The following ZNF334 variants were observed in gnomAD, a reference collection of about 807,000 sequenced individuals.
The protein encoded by ZNF334 is zinc finger protein 334.
Under a neutral mutation model 12.4 loss-of-function variants are expected in ZNF334, and 14 were observed. The observed-to-expected ratio is 1.13, with a 90% CI of 0.74 to 1.76. ZNF334 has a LOEUF of 1.76. ZNF334 is among the 40% of genes most tolerant of loss of function. ZNF334 has a pLI of 0.00. For synonymous variants in ZNF334, 273 were observed against 269.6 expected (o/e 1.01, Z -0.12); for missense variants, 797 against 804.5 (o/e 0.99, Z 0.11).
At position 46,502,292 on chromosome 20, in the gene ZNF334, G is replaced by T; in HGVS notation, c.1047C>A (p.Tyr349Ter). ...HFRSHTGEKPYECKECGNAFS... is the reference protein window; with the variant it reads ...HFRSHTGEKP ...AGGCATTTCCACATTCCTTGCATTC[G>T]TAAGGCTTCTCCCCTGTGTGTGACC... The change falls in exon 5 of 5, where the codon TAC (tyrosine) becomes TAA (stop). Residue 349 changes from tyrosine to a stop codon, truncating the protein, a stop_gained. Coordinates refer to ENST00000692313, the MANE Select transcript of ZNF334 (RefSeq NM_001353824.2). LOFTEE classifies it low-confidence loss of function (END_TRUNC). 6.2e-7 allele frequency: 1 copy of T among 1,613,976 alleles called. No homozygotes were observed.
At chr20:46,474,437 C>T in the ZNF334 span, 1 of 151,228 alleles carries the variant, frequency 6.6e-6, no homozygotes, top group Non-Finnish European at 1.5e-5. Flanking sequence ...ACATTGCTAA[C>T]TAGGGAGAAG....
chr20:46,510,803 C>G (rs188294873), intron 2 of ZNF334, among the ~76,000 whole-genome samples: 3 of 150,574 alleles, frequency 2.0e-5, no homozygotes, highest in African/African-American at 7.3e-5. Context: ...TGGCTTGTCT[C>G]GCTGGTCAGA....
the ZNF334 span, chr20:46,480,932 T>C: frequency 1.3e-5 from 2 of 152,214 alleles, no homozygotes; most frequent in African/African-American, 4.8e-5. Context: ...TGCTGCAGCA[T>C]ACCCGTGGGC....
chr20:46,488,923 TC>T, the ZNF334 span, among the ~76,000 whole-genome samples: 1 of 152,020 alleles, frequency 6.6e-6, no homozygotes, highest in East Asian at 1.9e-4. Flanking sequence ...AACGTCTTTT[TC>T]CCCCCTCTGG....
At chr20:46,488,647 G>C in the ZNF334 span, among the ~76,000 whole-genome samples, 4 of 151,404 alleles carry the variant, frequency 2.6e-5, no homozygotes, top group Non-Finnish European at 5.9e-5. Flanking sequence ...TTCCCATCTG[G>C]CATCCCTTTT....
In ZNF334 at chr20:46,501,320, TA is replaced by T; in HGVS notation, c.2018del (p.Leu673TyrfsTer31). 6.2e-7 allele frequency: 1 copy of T among 1,610,914 alleles called. No individual in the cohort carries two copies. The highest frequency in any genetic ancestry group is 8.5e-7 in the Non-Finnish European group (1 of 1,178,106). ...KTFRHKSNFLLHQKSHKE is the reference protein window; with the variant it reads ...KTFRHKSNFLXHQKSHKE Reference sequence around the variant, plus strand: ...CTTATTCCTTGTGGGATTTCTGATGTAAAAGAAAGTTTGATTTGTGGCGAAA... The same window carrying T: ...CTTATTCCTTGTGGGATTTCTGATGTAAAGAAAGTTTGATTTGTGGCGAAA... On this transcript the variant is annotated frameshift_variant, in exon 5 of 5. Coordinates refer to ENST00000692313, the MANE Select transcript of ZNF334 (RefSeq NM_001353824.2). LOFTEE classifies it low-confidence loss of function (END_TRUNC).
At chr20:46,488,275 A>T in the ZNF334 span, among the ~76,000 whole-genome samples, 1 of 144,310 alleles carries the variant, frequency 6.9e-6, no homozygotes, top group East Asian at 2.0e-4. Context: ...TATCACCTTT[A>T]TTGGCTTATT....
At chr20:46,483,488 C>A in the ZNF334 span, among the ~76,000 whole-genome samples, 1 of 152,200 alleles carries the variant, frequency 6.6e-6, no homozygotes, top group South Asian at 2.1e-4. Flanking sequence ...TGAAAATCCT[C>A]ATTTTCTAAC....
the ZNF334 span, among the ~76,000 whole-genome samples, chr20:46,466,608 C>T: frequency 6.2e-4 from 94 of 152,244 alleles, no homozygotes; most frequent in Middle Eastern, 3.4e-3. Flanking sequence ...CTCAGCCTCC[C>T]GAGTAGCTGA....
At chr20:46,480,023 G>C in the ZNF334 span, among the ~76,000 whole-genome samples, 2 of 152,198 alleles carry the variant, frequency 1.3e-5, no homozygotes, top group South Asian at 4.2e-4. Context: ...TACATGTATT[G>C]ATCTATGTCT....
chr20:46,471,629 T>A, the ZNF334 span, among the ~76,000 whole-genome samples: 1 of 150,734 alleles, frequency 6.6e-6, no homozygotes, highest in African/African-American at 2.5e-5. Flanking sequence ...TATTTAAGTA[T>A]ACGGTGAAAG....
chr20:46,489,417 C>G, the ZNF334 span, among the ~76,000 whole-genome samples: 1 of 152,032 alleles, frequency 6.6e-6, no homozygotes, highest in African/African-American at 2.4e-5. Context: ...ACCTGTAACC[C>G]CACCACTTTG....
chr20:46,501,930 A>C lies in ZNF334; in HGVS notation c.1409T>G (p.Phe470Cys). 2.5e-6 allele frequency: 4 copies of C among 1,614,108 alleles called. No individual in the cohort carries two copies. The highest frequency in any genetic ancestry group is 3.4e-6 in the Non-Finnish European group (4 of 1,180,020). Residue 470 changes from phenylalanine (F) to cysteine (C), a missense_variant, in exon 5 of 5, where the codon TTC becomes TGC. By Grantham distance (205) the Phe-to-Cys change is radical (BLOSUM62 -2). Coordinates refer to ENST00000692313, the MANE Select transcript of ZNF334 (RefSeq NM_001353824.2). Reference sequence around the variant, plus strand: ...TATAGTGAGTGTTGACTTATGGCAGAAAAATTTCCCACATTCATTACATTC... The same window carrying C: ...TATAGTGAGTGTTGACTTATGGCAGCAAAATTTCCCACATTCATTACATTC... Reference protein sequence around the residue: ...SYECNECGKFFCHKSTLTIHQ... With the variant: ...SYECNECGKFCCHKSTLTIHQ...
At chr20:46,464,233 A>G in the ZNF334 span, 8 of 538,170 alleles carry the variant, frequency 1.5e-5, no homozygotes, top group Non-Finnish European at 7.3e-6. Context: ...CTGGCTGCTC[A>G]TTGCCTCCTT....
chr20:46,470,670 C>T, the ZNF334 span, among the ~76,000 whole-genome samples: 3 of 152,164 alleles, frequency 2.0e-5, no homozygotes, highest in Admixed American at 6.5e-5. Flanking sequence ...CTCCATTTTA[C>T]GCATCTGTAA....
rs1235288853 is a variant in ZNF334 at position 46,502,738 on chromosome 20, T to C, written c.601A>G (p.Asn201Asp). The C allele has an allele frequency of 6.2e-7, 1 of 1,613,870 alleles. No individual in the cohort carries two copies. Residue 201 changes from asparagine to aspartate, a missense_variant, in exon 5 of 5, where the codon AAC becomes GAC. By Grantham distance (23) the Asn-to-Asp change is conservative. Transcript: ENST00000692313. ...AACGGTTGTTTCAAAATCTGAATGT[T>C]CTGGTGCAGAATAAGATTTTCGTTT... ...NQNENLILHQNIQILKQPFDY... is the reference protein window; with the variant it reads ...NQNENLILHQDIQILKQPFDY...
At chr20:46,465,845 C>T in the ZNF334 span, among the ~76,000 whole-genome samples, 2 of 152,208 alleles carry the variant, frequency 1.3e-5, no homozygotes, top group East Asian at 3.9e-4. Flanking sequence ...GTCCCAGCTA[C>T]TCAGGAACCT....
At chr20:46,474,430 T>C in the ZNF334 span, 2 of 151,856 alleles carry the variant, frequency 1.3e-5, no homozygotes, top group Non-Finnish European at 2.9e-5. Flanking sequence ...GAACCACACA[T>C]TGCTAACTAG....
chr20:46,508,408 T>G (rs2061515327), intron 2 of ZNF334, among the ~76,000 whole-genome samples: 1 of 152,220 alleles, frequency 6.6e-6, no homozygotes, highest in African/African-American at 2.4e-5. Context: ...ACACATAGTC[T>G]GTGGACAAAG....
Sources: gnomAD v4.1 joint callset for allele counts (sites outside exome capture counted in the v4.1 genomes callset) on GRCh38, gnomAD v4.1.1 for gene constraint, MANE v1.5 for transcripts, NCBI Gene and HGNC (gene_info 2026-07-23, HGNC 2026-07-21) for gene names.